Variants in ROBO1 observed in about 807,000 individuals in gnomAD.
ROBO1 encodes roundabout guidance receptor 1, also known as roundabout homolog 1.
A neutral mutation model predicts 195.9 loss-of-function variants in ROBO1; 149 were observed. That is an observed-to-expected ratio of 0.76 (90% CI 0.67 to 0.87). The LOEUF (loss-of-function observed/expected upper bound fraction) is 0.87. Ranked by LOEUF, ROBO1 falls within the 40% of genes least tolerant of loss-of-function variation. The probability of loss-of-function intolerance (pLI) is 0.00; values close to 1 mark genes in which losing one functional copy is unlikely to be tolerated. For missense variants in ROBO1, 1,933 were observed against 2,068.3 expected (o/e 0.93, Z 1.27); for synonymous variants, 816 against 733.2 (o/e 1.11, Z -1.82).
chr3:79,660,912 G>A (rs909220162), intron 1 of ROBO1, among the ~76,000 whole-genome samples: 1 of 152,062 alleles, frequency 6.6e-6, no homozygotes, highest in Non-Finnish European at 1.5e-5. Flanking sequence ...ACTGTTAATT[G>A]ATTTGGAAGA....
intron 7 of ROBO1, among the ~76,000 whole-genome samples, chr3:78,716,791 C>A (rs750443521): frequency 2.0e-5 from 3 of 152,066 alleles, no homozygotes; most frequent in Non-Finnish European, 1.5e-5. Flanking sequence ...CCCTAAGGCT[C>A]CCTGATTCGT....
intron 2 of ROBO1, among the ~76,000 whole-genome samples, chr3:79,473,579 T>C (rs908822138): frequency 1.3e-5 from 2 of 152,120 alleles, no homozygotes; most frequent in Admixed American, 6.6e-5. Context: ...AAATGAATCA[T>C]TTTTAATACC....
intron 2 of ROBO1, among the ~76,000 whole-genome samples, chr3:79,579,743 A>G (rs1017936032): frequency 6.6e-6 from 1 of 152,206 alleles, no homozygotes; most frequent in African/African-American, 2.4e-5. Context: ...AACTATCTAG[A>G]AGCCTGAATT....
At chr3:79,047,681 A>G (rs2078620115) in intron 3 of ROBO1, among the ~76,000 whole-genome samples, 1 of 152,124 alleles carries the variant, frequency 6.6e-6, no homozygotes, top group African/African-American at 2.4e-5. Context: ...ACAGAGAATT[A>G]ATAGTATGTC....
At chr3:79,277,053 C>T (rs1013506414) in intron 2 of ROBO1, among the ~76,000 whole-genome samples, 6 of 151,834 alleles carry the variant, frequency 4.0e-5, no homozygotes, top group African/African-American at 1.5e-4. Context: ...ATGGAGAAAC[C>T]TTTAGAGATT....
chr3:78,668,132 A>C lies in ROBO1; in HGVS notation c.1799+2T>G. 1 of 1,613,326 alleles carries C rather than the reference A, an allele frequency of 6.2e-7. No homozygotes were observed. The highest frequency in any genetic ancestry group is 8.5e-7 in the Non-Finnish European group (1 of 1,179,570). On this transcript the variant is annotated splice_donor_variant, in intron 13 of 30. Coordinates refer to ENST00000464233, the MANE Select transcript of ROBO1 (RefSeq NM_002941.4). LOFTEE classifies it high-confidence loss of function. ...AACTAGGAAGCATCTCCTTCACTCT[A>C]CCTGAAGGCTTCTATAATATAAGAT...
At chr3:78,683,965 G>A (rs562283685) in intron 10 of ROBO1, among the ~76,000 whole-genome samples, 1 of 152,000 alleles carries the variant, frequency 6.6e-6, no homozygotes, top group South Asian at 2.1e-4. Context: ...CCATCATTAA[G>A]AGAATGACCA....
intron 4 of ROBO1, among the ~76,000 whole-genome samples, chr3:78,801,420 T>C (rs1452489631): frequency 6.6e-6 from 1 of 152,138 alleles, no homozygotes; most frequent in Non-Finnish European, 1.5e-5. Context: ...CAAAAGCTTA[T>C]ATAAAAATAT....
intron 1 of ROBO1, among the ~76,000 whole-genome samples, chr3:79,708,831 C>A (rs775336487): frequency 6.6e-6 from 1 of 152,292 alleles, no homozygotes; most frequent in Admixed American, 6.5e-5. Context: ...CGTGCCACTG[C>A]ACTCCAGCCT....
At chr3:78,677,500 C>T (rs900687627) in intron 10 of ROBO1, among the ~76,000 whole-genome samples, 60 of 151,442 alleles carry the variant, frequency 4.0e-4, no homozygotes, top group African/African-American at 1.4e-3. Flanking sequence ...TAATGGAAAA[C>T]AAAAAAAGGC....
intron 2 of ROBO1, among the ~76,000 whole-genome samples, chr3:79,177,298 T>C (rs902677553): frequency 2.0e-5 from 3 of 152,236 alleles, no homozygotes; most frequent in African/African-American, 7.2e-5. Flanking sequence ...CTTCTATTGA[T>C]CTTTATTAGT....
chr3:79,603,264 A>G (rs1363444115), intron 1 of ROBO1, among the ~76,000 whole-genome samples: 4 of 137,156 alleles, frequency 2.9e-5, no homozygotes, highest in Admixed American at 6.9e-5. Context: ...CATCAGGGAG[A>G]CCAGGCAGTT....
At chr3:79,567,631 A>G (rs1001429261) in intron 2 of ROBO1, among the ~76,000 whole-genome samples, 1 of 152,134 alleles carries the variant, frequency 6.6e-6, no homozygotes, top group African/African-American at 2.4e-5. Flanking sequence ...TCACTAATTT[A>G]GAAGCTTTGA....
At chr3:79,273,232 G>T (rs2030729276) in intron 2 of ROBO1, among the ~76,000 whole-genome samples, 1 of 152,072 alleles carries the variant, frequency 6.6e-6, no homozygotes, top group Non-Finnish European at 1.5e-5. Flanking sequence ...CGCGGTTGTG[G>T]TGTGTAAAAT....
At chr3:79,333,523 T>C (rs944654037) in intron 2 of ROBO1, among the ~76,000 whole-genome samples, 1 of 152,074 alleles carries the variant, frequency 6.6e-6, no homozygotes, top group Non-Finnish European at 1.5e-5. Context: ...TGCCTACCCA[T>C]CACACAGTCT....
chr3:79,424,906 G>A (rs552920993), intron 2 of ROBO1, among the ~76,000 whole-genome samples: 2 of 152,204 alleles, frequency 1.3e-5, no homozygotes, highest in Admixed American at 6.5e-5. Context: ...AGGTAAAGAG[G>A]AATTCTGTAG....
intron 2 of ROBO1, among the ~76,000 whole-genome samples, chr3:79,532,500 G>A (rs1941699441): frequency 6.6e-6 from 1 of 152,054 alleles, no homozygotes; most frequent in Non-Finnish European, 1.5e-5. Context: ...AGTTAAATAG[G>A]TCAGGCGTGG....
chr3:79,456,279 C>A (rs897677379), intron 2 of ROBO1, among the ~76,000 whole-genome samples: 1 of 152,092 alleles, frequency 6.6e-6, no homozygotes, highest in African/African-American at 2.4e-5. Flanking sequence ...GTGATGAAAT[C>A]TTAAGTATTT....
intron 3 of ROBO1, among the ~76,000 whole-genome samples, chr3:79,010,277 G>T (rs1209259828): frequency 1.3e-5 from 2 of 152,102 alleles, no homozygotes; most frequent in South Asian, 2.1e-4. Flanking sequence ...CAAGAATTCT[G>T]AGATGAGACA....
Sources: gnomAD v4.1 joint callset for allele counts (sites outside exome capture counted in the v4.1 genomes callset) on GRCh38, gnomAD v4.1.1 for gene constraint, MANE v1.5 for transcripts, NCBI Gene and HGNC (gene_info 2026-07-23, HGNC 2026-07-21) for gene names.